Variants in GPC5 observed in about 807,000 individuals in gnomAD.
GPC5 encodes glypican-5.
GPC5 carries 47 observed loss-of-function variants against 53.9 expected under a neutral mutation model. The ratio of observed to expected loss-of-function variants is 0.87; its 90% confidence interval spans 0.69 to 1.11. The LOEUF (loss-of-function observed/expected upper bound fraction) is 1.11, where lower values mean the gene tolerates loss of function less well. Among genes scored for constraint, GPC5 ranks in the 50% most tolerant of loss-of-function variants. GPC5 has a pLI of 0.00. For synonymous variants in GPC5, 286 were observed against 263.3 expected, an observed-to-expected ratio of 1.09 and a Z score of -0.84; for missense variants, 748 against 713.1, an observed-to-expected ratio of 1.05 and a Z score of -0.56.
intron 2 of GPC5, among the ~76,000 whole-genome samples, chr13:91,578,297 C>T (rs183136209): frequency 5.9e-5 from 9 of 152,300 alleles, no homozygotes; most frequent in Admixed American, 3.9e-4. Context: ...AAAACTGCTC[C>T]CAAATTCCTG....
At chr13:92,269,418 T>C (rs1015881422) in intron 7 of GPC5, among the ~76,000 whole-genome samples, 33 of 152,142 alleles carry the variant, frequency 2.2e-4, no homozygotes, top group East Asian at 7.7e-4. Context: ...TTGTTTTGTT[T>C]TTTTTGAGAC....
chr13:92,100,073 A>G (rs2138910228), intron 6 of GPC5, among the ~76,000 whole-genome samples: 1 of 152,274 alleles, frequency 6.6e-6, no homozygotes, highest in South Asian at 2.1e-4. Context: ...ACTCCTGCCA[A>G]CAGTCAGCAA....
intron 3 of GPC5, among the ~76,000 whole-genome samples, chr13:91,694,797 G>A (rs2035844462): frequency 6.6e-6 from 1 of 152,196 alleles, no homozygotes; most frequent in African/African-American, 2.4e-5. Context: ...TTTTAGTAGA[G>A]GGAGTTTCTC....
At chr13:91,484,947 G>C (rs1883506711) in intron 2 of GPC5, among the ~76,000 whole-genome samples, 1 of 152,184 alleles carries the variant, frequency 6.6e-6, no homozygotes, top group South Asian at 2.1e-4. Flanking sequence ...GAACATTGCT[G>C]TATTCTATGA....
At chr13:92,739,381 G>C (rs913121008) in intron 7 of GPC5, among the ~76,000 whole-genome samples, 13 of 152,128 alleles carry the variant, frequency 8.5e-5, no homozygotes, top group East Asian at 3.9e-4. Context: ...AAAGGTAGAG[G>C]CTGCCCATGA....
chr13:92,384,126 G>GTA (rs2043772638), intron 7 of GPC5, among the ~76,000 whole-genome samples: 1 of 149,052 alleles, frequency 6.7e-6, no homozygotes. Flanking sequence ...GTTTTTATAG[G>GTA]TTTTTTTTTT....
chr13:92,857,821 CAG>C (rs924726278), intron 7 of GPC5, among the ~76,000 whole-genome samples: 2 of 152,088 alleles, frequency 1.3e-5, no homozygotes, highest in Non-Finnish European at 2.9e-5. Context: ...CAAAAAACAA[CAG>C]ATGCTGGCAA....
intron 7 of GPC5, among the ~76,000 whole-genome samples, chr13:92,673,317 T>C (rs921212219): frequency 6.6e-6 from 1 of 151,720 alleles, no homozygotes; most frequent in Admixed American, 6.6e-5. Context: ...AATCTCGCTC[T>C]GTCGCCCAGG....
At chr13:92,846,247 A>C (rs1878608719) in intron 7 of GPC5, among the ~76,000 whole-genome samples, 1 of 152,270 alleles carries the variant, frequency 6.6e-6, no homozygotes, top group Middle Eastern at 3.4e-3. Context: ...CACTATCATA[A>C]TAGCCTGAGG....
At chr13:91,998,385 C>G (rs2040524082) in intron 6 of GPC5, among the ~76,000 whole-genome samples, 1 of 152,172 alleles carries the variant, frequency 6.6e-6, no homozygotes, top group South Asian at 2.1e-4. Flanking sequence ...TTCACCAAGA[C>G]AAACACATAC....
chr13:92,240,655 C>G (rs922713161), intron 7 of GPC5: 1 of 134,012 alleles, frequency 7.5e-6, no homozygotes, highest in Non-Finnish European at 1.6e-5. Context: ...GGTCATGCAC[C>G]ACGATGAGAG....
chr13:91,434,034 T>C (rs530681890), intron 1 of GPC5, among the ~76,000 whole-genome samples: 1 of 152,232 alleles, frequency 6.6e-6, no homozygotes, highest in Non-Finnish European at 1.5e-5. Flanking sequence ...CTTTGCCCAC[T>C]TTTTGATGGG....
chr13:92,813,956 G>A (rs982282711), intron 7 of GPC5, among the ~76,000 whole-genome samples: 8 of 151,848 alleles, frequency 5.3e-5, no homozygotes, highest in Admixed American at 1.3e-4. Flanking sequence ...AAAATAATTC[G>A]CTTGGAGAAG....
chr13:91,644,478 A>G (rs988935936), intron 2 of GPC5, among the ~76,000 whole-genome samples: 3 of 152,136 alleles, frequency 2.0e-5, no homozygotes, highest in Admixed American at 6.5e-5. Context: ...GGCACCAGGT[A>G]TTTCTCTACT....
intron 7 of GPC5, among the ~76,000 whole-genome samples, chr13:92,220,746 CATTT>C (rs1446035073): frequency 6.6e-6 from 1 of 152,008 alleles, no homozygotes; most frequent in African/African-American, 2.4e-5. Context: ...CCCATTAATT[CATTT>C]GTCATCTTAC....
chr13:91,596,527 C>G (rs901373954), intron 2 of GPC5, among the ~76,000 whole-genome samples: 6 of 152,116 alleles, frequency 3.9e-5, no homozygotes, highest in African/African-American at 1.4e-4. Flanking sequence ...TGTTTGCATG[C>G]CTCATAGTTT....
At chr13:92,391,694 C>A (rs1875009979) in intron 7 of GPC5, among the ~76,000 whole-genome samples, 1 of 152,106 alleles carries the variant, frequency 6.6e-6, no homozygotes, top group Admixed American at 6.5e-5. Flanking sequence ...TCTAATACTG[C>A]ATTTATTCAT....
At chr13:92,039,598 A>T (rs996224160) in intron 6 of GPC5, among the ~76,000 whole-genome samples, 1 of 152,226 alleles carries the variant, frequency 6.6e-6, no homozygotes, top group East Asian at 1.9e-4. Flanking sequence ...CTGCCATAAC[A>T]AACTACCACA....
At chr13:92,577,147 T>C (rs1006648896) in intron 7 of GPC5, among the ~76,000 whole-genome samples, 6 of 152,302 alleles carry the variant, frequency 3.9e-5, no homozygotes, top group Non-Finnish European at 8.8e-5. Flanking sequence ...GTATATTATA[T>C]TCAAATCCAC....
Sources: gnomAD v4.1 joint callset for allele counts (sites outside exome capture counted in the v4.1 genomes callset) on GRCh38, gnomAD v4.1.1 for gene constraint, MANE v1.5 for transcripts, NCBI Gene and HGNC (gene_info 2026-07-23, HGNC 2026-07-21) for gene names.